Variants in EML6 observed in about 807,000 individuals in gnomAD.
EML6 encodes the protein echinoderm microtubule-associated protein-like 6.
A neutral mutation model predicts 240.1 loss-of-function variants in EML6; 154 were observed. The ratio of observed to expected loss-of-function variants is 0.64; its 90% CI spans 0.56 to 0.73. The LOEUF is 0.73. EML6 is among the 30% of genes least tolerant of loss of function. EML6 has a pLI of 0.00. For missense variants in EML6, 2,964 were observed against 2,474.6 expected (o/e 1.20, Z -4.20); for synonymous variants, 1,148 against 899.0 (o/e 1.28, Z -4.95).
chr2:54,919,527 TC>T (rs1674112200), intron 26 of EML6, among the ~76,000 whole-genome samples: 1 of 152,144 alleles, frequency 6.6e-6, no homozygotes, highest in Admixed American at 6.5e-5. Flanking sequence ...TCATTGCCCA[TC>T]CCAAAGCCGC....
intron 30 of EML6, among the ~76,000 whole-genome samples, chr2:54,952,008 A>T (rs1676005980): frequency 6.6e-6 from 1 of 152,184 alleles, no homozygotes. Context: ...ATAGATGGTA[A>T]AGTGCTCTTT....
chr2:54,730,139 G>GA (rs1304653594), intron 2 of EML6, among the ~76,000 whole-genome samples: 1,711 of 141,030 alleles, frequency 0.012, 33 homozygotes, highest in African/African-American at 0.042. Flanking sequence ...CCTGTCTCAA[G>GA]AAAAAAAAAA....
intron 38 of EML6, 83 bp from the exon 39 acceptor site, chr2:54,966,917 A>G: frequency 2.4e-6 from 2 of 841,634 alleles, no homozygotes; most frequent in Non-Finnish European, 3.8e-6. Context: ...GAGGCTGGGC[A>G]GTGTTCTGGG....
Position 54,928,640 on chromosome 2 carries a change from T to C in EML6, c.3893T>C (p.Val1298Ala). The C allele has an allele frequency of 6.4e-7, 1 of 1,552,170 alleles. No homozygotes were observed. The highest frequency in any genetic ancestry group is 8.7e-7 in the Non-Finnish European group (1 of 1,147,096). ...VEEDGGYDSD[V>A]AREKAIDYTT... ...GTTGTTTGAGGCTATGACAGCGATG[T>C]TGCTAGAGAAAAGGCCATTGACTAC... Residue 1298 changes from valine (V) to alanine (A), a missense_variant, in exon 28 of 42, where the codon GTT becomes GCT. Transcript: ENST00000356458.
intron 2 of EML6, among the ~76,000 whole-genome samples, chr2:54,753,030 C>G (rs1444012549): frequency 6.6e-6 from 1 of 152,162 alleles, no homozygotes; most frequent in Non-Finnish European, 1.5e-5. Context: ...GTCACGGTGC[C>G]CGGCTACATT....
intron 5 of EML6, 21 bp downstream of exon 5, chr2:54,820,483 AT>A: frequency 6.9e-7 from 1 of 1,448,082 alleles, no homozygotes; most frequent in Non-Finnish European, 9.4e-7. Flanking sequence ...TTGTTTTTTA[AT>A]TTTGGTACCT....
chr2:54,824,039 C>T (rs974676662), intron 5 of EML6, among the ~76,000 whole-genome samples: 2 of 152,044 alleles, frequency 1.3e-5, no homozygotes, highest in African/African-American at 4.8e-5. Context: ...TTAAGCTCAG[C>T]CTCTGACTCC....
In EML6 at chr2:54,931,489, G is replaced by T. The variant is rs181877302; in HGVS notation, c.4004+2738G>T. On this transcript the variant is annotated intron_variant, in intron 28 of 41. Coordinates refer to ENST00000356458, the MANE Select transcript of EML6 (RefSeq NM_001039753.4). Reference sequence around the variant, plus strand: ...GTGACATCAGGACCACATGAAGCCAGGCAGCAGTGGCCAGCTTCTCCCTGG... The same window carrying T: ...GTGACATCAGGACCACATGAAGCCATGCAGCAGTGGCCAGCTTCTCCCTGG... Among the ~76,000 whole-genome samples the T allele has an allele frequency of 3.7e-3, 564 of 152,326 alleles. 4 individuals carry two copies. The highest frequency in any genetic ancestry group is 0.013 in the African/African-American group (542 of 41,590).
chr2:54,895,608 G>A (rs545382929), intron 21 of EML6, among the ~76,000 whole-genome samples: 59 of 152,334 alleles, frequency 3.9e-4, no homozygotes, highest in Non-Finnish European at 7.5e-4. Context: ...AGTGTCTGTG[G>A]ATCAGGAATC....
At chr2:54,797,963 T>A (rs1199070471) in intron 2 of EML6, among the ~76,000 whole-genome samples, 1 of 152,164 alleles carries the variant, frequency 6.6e-6, no homozygotes, top group Non-Finnish European at 1.5e-5. Context: ...TTTAGTTTTT[T>A]AAAAAACCTA....
At chr2:54,911,877 T>C (rs1180073677) in intron 25 of EML6, among the ~76,000 whole-genome samples, 2 of 152,246 alleles carry the variant, frequency 1.3e-5, no homozygotes, top group Non-Finnish European at 2.9e-5. Flanking sequence ...CTAGATAAAA[T>C]TTTTGAATCC....
intron 10 of EML6, 108 bp downstream of exon 10, chr2:54,850,326 T>G (rs1193935584): frequency 4.6e-6 from 5 of 1,090,150 alleles, no homozygotes; most frequent in Non-Finnish European, 6.5e-6. Context: ...ACAGCAGGTT[T>G]TCTGGTTTTT....
At chr2:54,957,713 G>A (rs1248323797) in intron 32 of EML6, 77 bp from the exon 33 acceptor site, 9 of 1,333,174 alleles carry the variant, frequency 6.8e-6, no homozygotes, top group Middle Eastern at 2.5e-4. Context: ...CTGGGGTGGA[G>A]ACCTCCTGGG....
intron 26 of EML6, among the ~76,000 whole-genome samples, chr2:54,926,048 T>G (rs1235176617): frequency 6.6e-6 from 1 of 152,192 alleles, no homozygotes; most frequent in South Asian, 2.1e-4. Context: ...TTTCACGAGA[T>G]TCTCAGGAAT....
chr2:54,789,261 C>T (rs1386845925), intron 2 of EML6, among the ~76,000 whole-genome samples: 4 of 151,944 alleles, frequency 2.6e-5, no homozygotes, highest in Admixed American at 2.6e-4. Context: ...CGCTTGTAAT[C>T]CCAGCACTTT....
At chr2:54,960,412 T>C in intron 35 of EML6, 78 bp downstream of exon 35, 1 of 1,066,668 alleles carries the variant, frequency 9.4e-7, no homozygotes, top group East Asian at 2.6e-5. Context: ...GCACTTTCTC[T>C]GGGCTGGTTT....
intron 2 of EML6, among the ~76,000 whole-genome samples, chr2:54,737,271 GACA>G (rs1683439247): frequency 6.6e-6 from 1 of 152,052 alleles, no homozygotes; most frequent in Non-Finnish European, 1.5e-5. Context: ...CAGCAGCAGC[GACA>G]ACAATAATAA....
intron 38 of EML6, among the ~76,000 whole-genome samples, chr2:54,966,467 C>G (rs1011771740): frequency 5.9e-5 from 9 of 152,206 alleles, no homozygotes; most frequent in African/African-American, 2.2e-4. Flanking sequence ...TGGTCTGTTT[C>G]CTTTAGAAGA....
rs542767207 is a variant in EML6 at position 54,838,996 on chromosome 2, T to C, written c.848-5051T>C. ...TATTCCAAATACTAGCTTATATTTC[T>C]CTGACTCCCAGAGCAGAATAGAAAG... On this transcript the variant is annotated intron_variant, in intron 7 of 41. Transcript: ENST00000356458. Among the ~76,000 whole-genome samples the C allele has an allele frequency of 2.6e-5, 4 of 152,376 alleles. No individual in the cohort carries two copies. In the East Asian group the frequency reaches 7.7e-4, roughly 29 times the overall value.
Sources: gnomAD v4.1 joint callset for allele counts (sites outside exome capture counted in the v4.1 genomes callset) on GRCh38, gnomAD v4.1.1 for gene constraint, MANE v1.5 for transcripts, NCBI Gene and HGNC (gene_info 2026-07-23, HGNC 2026-07-21) for gene names.